Variants in CACNB4 observed in about 807,000 individuals in gnomAD.
The protein encoded by CACNB4 is voltage-dependent L-type calcium channel subunit beta-4.
CACNB4 carries 32 observed loss-of-function variants against 71.2 expected under a neutral mutation model. The ratio of observed to expected loss-of-function variants is 0.45; its 90% confidence interval spans 0.34 to 0.60. The LOEUF is 0.60. Ranked by LOEUF, CACNB4 falls within the 20% of genes least tolerant of loss-of-function variation. The pLI is 0.01. For synonymous variants in CACNB4, 231 were observed against 236.9 expected, an observed-to-expected ratio of 0.97 and a Z score of 0.23; for missense variants, 464 against 647.9, an observed-to-expected ratio of 0.72 and a Z score of 3.08.
At chr2:152,084,729 C>A (rs963083688) in intron 2 of CACNB4, among the ~76,000 whole-genome samples, 4 of 152,120 alleles carry the variant, frequency 2.6e-5, no homozygotes, top group Non-Finnish European at 4.4e-5. Context: ...CCTGCCTCAG[C>A]CTCCAGAGTA....
At chr2:152,079,230 A>G (rs974939402) in intron 2 of CACNB4, among the ~76,000 whole-genome samples, 2 of 151,986 alleles carry the variant, frequency 1.3e-5, no homozygotes, top group Non-Finnish European at 2.9e-5. Flanking sequence ...CTGAGACTAC[A>G]GGTACCCGCC....
At chr2:151,955,372 C>A (rs1238758656) in intron 2 of CACNB4, among the ~76,000 whole-genome samples, 1 of 152,006 alleles carries the variant, frequency 6.6e-6, no homozygotes, top group Non-Finnish European at 1.5e-5. Flanking sequence ...CATTCTCTAC[C>A]CTTGCATAGT....
intron 2 of CACNB4, among the ~76,000 whole-genome samples, chr2:152,095,740 C>A (rs752588279): frequency 6.6e-6 from 1 of 152,302 alleles, no homozygotes; most frequent in African/African-American, 2.4e-5. Context: ...CAACCTCCAC[C>A]GCCTAGGTTC....
rs2099835489 is a variant in CACNB4, at chr2:151,838,957, G to T, written c.*162C>A. On this transcript the variant is annotated 3_prime_UTR_variant, in exon 14 of 14. Coordinates refer to ENST00000539935, the MANE Select transcript of CACNB4 (RefSeq NM_000726.5). ...ATCTAATATCCATCTAGACTCAAGG[G>T]CATAATGTAATTTTTTTTTTTGCCC... 3.5e-6 allele frequency: 2 copies of T among 564,216 alleles called. No individual in the cohort carries two copies. Among genetic ancestry groups the T allele is most frequent in the South Asian group, 2.8e-5 (1 of 35,906 alleles). 35.0% of individuals were successfully genotyped at this position (564,216 alleles called of 1,614,324 possible).
intron 2 of CACNB4, among the ~76,000 whole-genome samples, chr2:152,066,207 C>A (rs936285001): frequency 6.6e-6 from 1 of 152,178 alleles, no homozygotes; most frequent in Non-Finnish European, 1.5e-5. Flanking sequence ...CCCTCTCCCC[C>A]TTCCACATAC....
chr2:152,035,651 C>CTCTCTCTCTCTCTATATATATA (rs796161186), intron 2 of CACNB4, among the ~76,000 whole-genome samples: 11 of 118,070 alleles, frequency 9.3e-5, no homozygotes, highest in African/African-American at 4.0e-4. Flanking sequence ...CTCTCTCTCT[C>CTCTCTCTCTCTCTATATATATA]TATATATATA....
chr2:151,870,279 A>G, intron 8 of CACNB4: 1 of 703,138 alleles, frequency 1.4e-6, no homozygotes, highest in Non-Finnish European at 2.6e-6. Flanking sequence ...CTTTGACCAG[A>G]TCTTCCCATT....
At chr2:151,945,914 C>T (rs1027518984) in intron 2 of CACNB4, among the ~76,000 whole-genome samples, 54 of 150,188 alleles carry the variant, frequency 3.6e-4, no homozygotes, top group African/African-American at 6.1e-4. Flanking sequence ...TGTGTGTGCG[C>T]GTGTGTGTAT....
rs1330865391 is a variant in CACNB4, at chr2:151,895,094, CCCCACA to C, written c.148-11730_148-11725del. On this transcript the variant is annotated intron_variant, in intron 2 of 13. Coordinates refer to ENST00000539935, the MANE Select transcript of CACNB4 (RefSeq NM_000726.5). ...TCATATGGAACCAGAACTCAAATAG[CCCCACA>C]CACACACACACACACACACACACAC... Among the ~76,000 whole-genome samples the C allele has an allele frequency of 8.6e-3, 1,142 of 132,810 alleles. 42 individuals carry two copies. Among genetic ancestry groups the C allele is most frequent in the East Asian group, 0.024 (117 of 4,832 alleles). 87.1% of individuals were successfully genotyped at this position (132,810 alleles called of 152,430 possible). A position where few individuals can be genotyped will look rare whatever the true frequency, so the allele number is the denominator to read the frequency against.
At chr2:152,068,276 C>T (rs1042389893) in intron 2 of CACNB4, among the ~76,000 whole-genome samples, 1 of 152,162 alleles carries the variant, frequency 6.6e-6, no homozygotes, top group Non-Finnish European at 1.5e-5. Context: ...AGCAATATCC[C>T]CTTGCCTAGA....
At chr2:151,938,727 C>T (rs2099863537) in intron 2 of CACNB4, among the ~76,000 whole-genome samples, 1 of 152,222 alleles carries the variant, frequency 6.6e-6, no homozygotes, top group Non-Finnish European at 1.5e-5. Flanking sequence ...ACCAACCCTC[C>T]TACCCCCAAT....
intron 2 of CACNB4, among the ~76,000 whole-genome samples, chr2:152,021,829 A>G (rs932828614): frequency 7.2e-5 from 11 of 152,218 alleles, no homozygotes; most frequent in African/African-American, 9.6e-5. Context: ...TTCAACTCTC[A>G]CATCTAACTC....
chr2:151,950,626 A>G (rs2099866697), intron 2 of CACNB4, among the ~76,000 whole-genome samples: 1 of 152,254 alleles, frequency 6.6e-6, no homozygotes, highest in South Asian at 2.1e-4. Flanking sequence ...AATATTATTC[A>G]GTCATAAAAA....
chr2:151,992,377 T>C (rs1681757502), intron 2 of CACNB4, among the ~76,000 whole-genome samples: 1 of 152,262 alleles, frequency 6.6e-6, no homozygotes, highest in Non-Finnish European at 1.5e-5. Context: ...CCGGGGATTT[T>C]AATTAATAAA....
chr2:151,952,034 A>C (rs566140955), intron 2 of CACNB4, among the ~76,000 whole-genome samples: 1 of 152,298 alleles, frequency 6.6e-6, no homozygotes, highest in African/African-American at 2.4e-5. Flanking sequence ...CAACTGTAAA[A>C]CAGGGATAAT....
intron 2 of CACNB4, among the ~76,000 whole-genome samples, chr2:152,046,543 T>C (rs1685150580): frequency 6.6e-6 from 1 of 152,140 alleles, no homozygotes; most frequent in African/African-American, 2.4e-5. Context: ...TCACCCTCAT[T>C]TCCTTTCTGG....
chr2:151,898,192 G>A (rs969913514), intron 2 of CACNB4, among the ~76,000 whole-genome samples: 1 of 152,206 alleles, frequency 6.6e-6, no homozygotes, highest in Non-Finnish European at 1.5e-5. Flanking sequence ...TTCTTGGTCA[G>A]ACAGCAGCAT....
intron 2 of CACNB4, among the ~76,000 whole-genome samples, chr2:152,015,675 G>A (rs4664519): frequency 0.13 from 19,848 of 152,202 alleles, 1,539 homozygotes; most frequent in East Asian, 0.26. Context: ...CCTTTGCCGG[G>A]CAGTGTTCCA....
At chr2:152,067,718 G>T (rs1215886537) in intron 2 of CACNB4, among the ~76,000 whole-genome samples, 1 of 152,128 alleles carries the variant, frequency 6.6e-6, no homozygotes, top group Non-Finnish European at 1.5e-5. Flanking sequence ...CCCTATTGCT[G>T]GTGGTAAGTA....
Sources: allele counts gnomAD v4.1 joint callset (sites outside exome capture counted in the v4.1 genomes callset), GRCh38; gene constraint gnomAD v4.1.1; transcripts MANE v1.5; gene names NCBI Gene and HGNC (gene_info 2026-07-23, HGNC 2026-07-21).